The following FAM3C variants were observed in gnomAD, a reference collection of about 807,000 sequenced individuals.
FAM3C encodes the protein protein FAM3C.
Under a neutral mutation model 32.5 loss-of-function variants are expected in FAM3C, and 15 were observed. The observed-to-expected ratio is 0.46, with a 90% CI of 0.31 to 0.71. The LOEUF is 0.71. FAM3C is among the 30% of genes least tolerant of loss of function. The pLI is 0.05. For missense variants in FAM3C, 175 were observed against 274.4 expected (o/e 0.64, Z 2.56); for synonymous variants, 75 against 86.1 (o/e 0.87, Z 0.72).
At chr7:121,354,116 T>C (rs1465287627) in intron 8 of FAM3C, among the ~76,000 whole-genome samples, 1 of 152,196 alleles carries the variant, frequency 6.6e-6, no homozygotes, top group African/African-American at 2.4e-5. Context: ...ATTTCAAAAG[T>C]TTAAAATCAT....
intron 1 of FAM3C, among the ~76,000 whole-genome samples, chr7:121,383,911 G>A (rs976898115): frequency 7.2e-5 from 11 of 152,150 alleles, no homozygotes; most frequent in Non-Finnish European, 1.6e-4. Flanking sequence ...TTTGCCAGCA[G>A]TACATATCTA....
chr7:121,356,547 A>C (rs1261935170), intron 8 of FAM3C, among the ~76,000 whole-genome samples: 2 of 152,174 alleles, frequency 1.3e-5, no homozygotes, highest in African/African-American at 4.8e-5. Flanking sequence ...TGTACTGTGA[A>C]TATTTTGTTT....
chr7:121,378,732 A>G (rs1027743653), intron 3 of FAM3C, among the ~76,000 whole-genome samples, 178 bp downstream of exon 3: 1 of 152,186 alleles, frequency 6.6e-6, no homozygotes, highest in Non-Finnish European at 1.5e-5. Context: ...CATGTTTTAT[A>G]CTAAATTAAT....
intron 1 of FAM3C, among the ~76,000 whole-genome samples, chr7:121,387,768 G>T (rs1794492422): frequency 6.6e-6 from 1 of 151,966 alleles, no homozygotes; most frequent in Non-Finnish European, 1.5e-5. Context: ...TTTCCTTTAT[G>T]TGGGTGTTTA....
intron 8 of FAM3C, among the ~76,000 whole-genome samples, chr7:121,354,407 C>T (rs891091286): frequency 5.3e-5 from 8 of 152,060 alleles, no homozygotes; most frequent in Admixed American, 2.6e-4. Context: ...AGACAGAGAA[C>T]GGTATCAGGT....
At chr7:121,355,419 A>C (rs1793786729) in intron 8 of FAM3C, among the ~76,000 whole-genome samples, 1 of 152,226 alleles carries the variant, frequency 6.6e-6, no homozygotes, top group Non-Finnish European at 1.5e-5. Context: ...TGGTCCAATA[A>C]AACTAATGTG....
chr7:121,379,627 A>C (rs1794311140), intron 2 of FAM3C, among the ~76,000 whole-genome samples: 1 of 152,132 alleles, frequency 6.6e-6, no homozygotes, highest in African/African-American at 2.4e-5. Context: ...GGTACCTATC[A>C]CATATGCTTC....
At chr7:121,352,399 T>C (rs1793723518) in intron 8 of FAM3C, among the ~76,000 whole-genome samples, 1 of 151,926 alleles carries the variant, frequency 6.6e-6, no homozygotes, top group African/African-American at 2.4e-5. Flanking sequence ...ACCACATCCG[T>C]GGGGGCTGTG....
At chr7:121,367,826 T>C (rs1426063895) in intron 5 of FAM3C, among the ~76,000 whole-genome samples, 1 of 151,832 alleles carries the variant, frequency 6.6e-6, no homozygotes, top group Non-Finnish European at 1.5e-5. Flanking sequence ...ATTAGCTGCA[T>C]GTGGTGGTAT....
rs759376421 is a variant in FAM3C, at chr7:121,360,028, G to C, written c.467+15C>G. Reference sequence around the variant, plus strand: ...ACAAATTATAGTTCCAAAAAGTTCTGTAAAGTTTACATACTTGGTTGCTCC... The same window carrying C: ...ACAAATTATAGTTCCAAAAAGTTCTCTAAAGTTTACATACTTGGTTGCTCC... On this transcript the variant is annotated intron_variant, in intron 8 of 9. Transcript: ENST00000359943. 1.6e-4 allele frequency: 208 copies of C among 1,282,808 alleles called. No individual in the cohort carries two copies. Among genetic ancestry groups the C allele is most frequent in the Non-Finnish European group, 1.5e-4 (133 of 902,090 alleles). The allele number at this position is 1,282,808 out of a possible 1,614,324, so 79.5% of individuals were successfully genotyped here.
At chr7:121,363,208 A>G (rs991128972) in intron 6 of FAM3C, among the ~76,000 whole-genome samples, 2 of 152,186 alleles carry the variant, frequency 1.3e-5, no homozygotes, top group African/African-American at 4.8e-5. Context: ...GATAAATAGA[A>G]GTTCATTACT....
intron 3 of FAM3C, among the ~76,000 whole-genome samples, chr7:121,377,906 A>C (rs1794271504): frequency 6.6e-6 from 1 of 152,228 alleles, no homozygotes; most frequent in Non-Finnish European, 1.5e-5. Context: ...ATGTTCTCAC[A>C]ATGACAAAAA....
At chr7:121,383,085 G>C in intron 1 of FAM3C, 75 bp from the exon 2 acceptor site, 1 of 762,102 alleles carries the variant, frequency 1.3e-6, no homozygotes, top group South Asian at 1.8e-5. Flanking sequence ...GTTTGAAATG[G>C]GGCATATAAA....
At chr7:121,386,404 G>A (rs137969885) in intron 1 of FAM3C, among the ~76,000 whole-genome samples, 6 of 152,036 alleles carry the variant, frequency 3.9e-5, no homozygotes, top group South Asian at 2.1e-4. Flanking sequence ...GGGAGAATTC[G>A]CCTTCTTTGC....
chr7:121,370,361 T>C (rs12706336), intron 5 of FAM3C, among the ~76,000 whole-genome samples: 24,934 of 152,000 alleles, frequency 0.16, 2,136 homozygotes, highest in South Asian at 0.21. Context: ...GAGGCTAGGA[T>C]AAAAATTTAA....
At chr7:121,360,864 C>CG (rs895692720) in intron 7 of FAM3C, among the ~76,000 whole-genome samples, 4 of 151,488 alleles carry the variant, frequency 2.6e-5, no homozygotes, top group Admixed American at 6.6e-5. Context: ...AAAAACGAAA[C>CG]GAAAAAAAGC....
At chr7:121,394,533 C>A (rs1339343927) in intron 1 of FAM3C, among the ~76,000 whole-genome samples, 1 of 152,174 alleles carries the variant, frequency 6.6e-6, no homozygotes, top group Non-Finnish European at 1.5e-5. Context: ...TTACAAAGTT[C>A]CCATTGGTAA....
rs1046044727 is a variant in FAM3C at position 121,351,172 on chromosome 7, C to G, written c.565G>C (p.Gly189Arg). 1 of 1,613,494 alleles carries G rather than the reference C, an allele frequency of 6.2e-7. No individual in the cohort carries two copies. The highest frequency in any genetic ancestry group is 8.5e-7 in the Non-Finnish European group (1 of 1,179,718). The change falls in exon 9 of 10, where the codon GGC becomes CGC. Residue 189 changes from glycine (G) to arginine (R), a missense_variant. Physicochemically the swap from Gly to Arg is moderately radical, Grantham distance 125. Transcript: ENST00000359943. ...RDNWVFCGGK[G>R]IKTKSPFEQH... is the part of the protein sequence containing the mutation. ...TCAAAAGGGCTTTTTGTCTTAATGC[C>G]CTTCCCACCACAGAAGACCCAGTTG...
intron 1 of FAM3C, among the ~76,000 whole-genome samples, chr7:121,394,637 T>C (rs1794647739): frequency 6.6e-6 from 1 of 152,190 alleles, no homozygotes; most frequent in African/African-American, 2.4e-5. Flanking sequence ...ATGCTAGTCT[T>C]TATTGAGTTG....
Sources: allele counts gnomAD v4.1 joint callset (sites outside exome capture counted in the v4.1 genomes callset), GRCh38; gene constraint gnomAD v4.1.1; transcripts MANE v1.5; gene names NCBI Gene and HGNC (gene_info 2026-07-23, HGNC 2026-07-21).